EIF2A: variants seen among roughly 807,000 people sequenced by gnomAD.
EIF2A encodes the protein eukaryotic translation initiation factor 2A.
EIF2A carries 62 observed loss-of-function variants against 75.2 expected under a neutral mutation model. That is an observed-to-expected ratio of 0.82 (90% CI 0.67 to 1.02). EIF2A has a LOEUF of 1.02. Ranked by LOEUF, EIF2A falls within the 50% of genes least tolerant of loss-of-function variation. The pLI, the probability that EIF2A is intolerant of heterozygous loss-of-function variation, is 0.00. For synonymous variants in EIF2A, 207 were observed against 239.0 expected (o/e 0.87, Z 1.23); for missense variants, 611 against 677.7 (o/e 0.90, Z 1.09).
At chr3:150,582,624 TTTATACTCAGTATTTCATTA>T (rs563799779) in intron 12 of EIF2A, among the ~76,000 whole-genome samples, 8 of 152,276 alleles carry the variant, frequency 5.3e-5, no homozygotes, top group Non-Finnish European at 1.0e-4. Flanking sequence ...ACTCAATACT[TTTATACTCAGTATTTCATTA>T]GATACCTTGT....
At chr3:150,564,476 G>A in intron 6 of EIF2A, 95 bp downstream of exon 6, 1 of 872,974 alleles carries the variant, frequency 1.1e-6, no homozygotes, top group South Asian at 2.4e-5. Flanking sequence ...CCTAAATACT[G>A]TTAATCTATT....
At chr3:150,562,095 T>G (rs1318848244) in intron 3 of EIF2A, among the ~76,000 whole-genome samples, 1 of 152,010 alleles carries the variant, frequency 6.6e-6, no homozygotes, top group African/African-American at 2.4e-5. Flanking sequence ...CCGCATATTT[T>G]CTAGAACCAA....
At chr3:150,558,316 A>C in intron 2 of EIF2A, 72 bp from the exon 3 acceptor site, 2 of 1,299,506 alleles carry the variant, frequency 1.5e-6, no homozygotes, top group Non-Finnish European at 2.0e-6. Flanking sequence ...GAAATGGTTG[A>C]CTTTATAATC....
chr3:150,573,820 C>G (rs751505227), intron 10 of EIF2A, among the ~76,000 whole-genome samples: 1 of 151,948 alleles, frequency 6.6e-6, no homozygotes, highest in African/African-American at 2.4e-5. Flanking sequence ...TGGGGTTCGT[C>G]CCTCACAGAA....
At chr3:150,567,179 A>G (rs1000645471) in intron 6 of EIF2A, 2 of 152,276 alleles carry the variant, frequency 1.3e-5, no homozygotes, top group African/African-American at 4.8e-5. Context: ...TAATAATAGC[A>G]TGGCTCAGAC....
intron 1 of EIF2A, among the ~76,000 whole-genome samples, chr3:150,550,997 C>T (rs1723286265): frequency 6.6e-6 from 1 of 152,190 alleles, no homozygotes. Flanking sequence ...ATCCTCTAGC[C>T]ACACAGGCCT....
In EIF2A at chr3:150,563,588, T is replaced by G; in HGVS notation, c.366T>G (p.Ser122=). 1 of 1,535,472 alleles carries G rather than the reference T, an allele frequency of 6.5e-7. No homozygotes were observed. The highest frequency in any genetic ancestry group is 8.8e-7 in the Non-Finnish European group (1 of 1,142,782). ...TGAAAACTGGGACATGTTTGAAATC[T>G]TTCATCCAGAAAAAAATGCAAAATT... ...YDVKTGTCLK[S]FIQKKMQNWC... is the part of the protein sequence containing the mutation. The change falls in exon 5 of 14, where the codon TCT becomes TCG. Residue 122 remains serine, a synonymous_variant. Coordinates refer to ENST00000460851, the MANE Select transcript of EIF2A (RefSeq NM_032025.5).
intron 3 of EIF2A, among the ~76,000 whole-genome samples, chr3:150,561,795 ATT>A (rs60277430): frequency 1.4e-5 from 2 of 143,432 alleles, no homozygotes; most frequent in African/African-American, 2.6e-5. Flanking sequence ...TAAAATATAC[ATT>A]TTTTTTTTTT....
intron 1 of EIF2A, among the ~76,000 whole-genome samples, chr3:150,549,222 CT>C (rs11341363): frequency 0.66 from 90,479 of 136,356 alleles, 29,824 homozygotes; most frequent in East Asian, 0.9. Context: ...TTCTTTCTTT[CT>C]TTTTTTTTTT....
intron 1 of EIF2A, 71 bp downstream of exon 1, chr3:150,546,901 A>G (rs1723061890): frequency 1.3e-6 from 2 of 1,597,488 alleles, no homozygotes; most frequent in South Asian, 2.2e-5. Context: ...GCCTTTGAGA[A>G]CTACCCGAGG....
In EIF2A at chr3:150,567,957, A is replaced by G; in HGVS notation, c.605A>G (p.Gln202Arg). 1 of 1,613,556 alleles carries G rather than the reference A, an allele frequency of 6.2e-7. No individual in the cohort carries two copies. Among genetic ancestry groups the G allele is most frequent in the Non-Finnish European group, 8.5e-7 (1 of 1,179,746 alleles). Residue 202 changes from glutamine (Q) to arginine (R), a missense_variant, in exon 8 of 14, where the codon CAG becomes CGG. Transcript: ENST00000460851. Reference protein sequence around the residue: ...KGAPSFVRLYQYPNFAGPHAA... With the variant: ...KGAPSFVRLYRYPNFAGPHAA... ...GCACCTTCATTTGTTAGATTATATC[A>G]GTACCCCAACTTTGCTGGACCTCAT...
intron 2 of EIF2A, chr3:150,557,740 T>C: frequency 3.1e-6 from 1 of 324,940 alleles, no homozygotes. Context: ...AAACTGAGTG[T>C]AAGCTGTCAT....
chr3:150,583,092 AAT>A, intron 12 of EIF2A, 106 bp from the exon 13 acceptor site: 1 of 925,958 alleles, frequency 1.1e-6, no homozygotes, highest in East Asian at 2.7e-5. Flanking sequence ...TGTTGATACA[AAT>A]CTAAGATAAT....
At chr3:150,581,575 T>G in intron 11 of EIF2A, 43 bp from the exon 12 acceptor site, 1 of 1,544,566 alleles carries the variant, frequency 6.5e-7, no homozygotes, top group Non-Finnish European at 8.7e-7. Context: ...TACTGTAATG[T>G]TTTTGGCTTT....
Position 150,567,678 on chromosome 3 carries a change from T to C in EIF2A, c.476-15T>C. On this transcript the variant is annotated splice_polypyrimidine_tract_variant and intron_variant, in intron 6 of 13. Transcript: ENST00000460851. ...GTTCTCTCATCAATCTGATTTAATT[T>C]ACTCTTTTTTTTAGACACAATTGCA... The C allele has an allele frequency of 6.7e-7, 1 of 1,490,974 alleles. No individual in the cohort carries two copies. Among genetic ancestry groups the C allele is most frequent in the Non-Finnish European group, 9.1e-7 (1 of 1,101,412 alleles). 92.4% of individuals were successfully genotyped at this position (1,490,974 alleles called of 1,614,324 possible).
chr3:150,549,620 C>T (rs1192113524), intron 1 of EIF2A, among the ~76,000 whole-genome samples: 1 of 152,186 alleles, frequency 6.6e-6, no homozygotes, highest in Non-Finnish European at 1.5e-5. Context: ...GGAAAGAACA[C>T]ATTTTTGCCA....
Position 150,572,417 on chromosome 3 carries a change from AAAC to A in EIF2A, c.1274_1276del (p.Thr425del). The stretch of plus-strand genomic sequence containing the variant: ...TTTTTGGATGGAATATTTCCAGCAA[AAAC>A]AATAACTTACCAAGCAGTTCCAAGT... On this transcript the variant is annotated inframe_deletion, in exon 10 of 14. Transcript: ENST00000460851. 1 of 1,614,030 alleles carries A rather than the reference AAAC, an allele frequency of 6.2e-7. No individual in the cohort carries two copies. Among genetic ancestry groups the A allele is most frequent in the Non-Finnish European group, 8.5e-7 (1 of 1,179,900 alleles).
chr3:150,562,753 GTAAT>G, intron 4 of EIF2A, 93 bp downstream of exon 4: 1 of 868,684 alleles, frequency 1.2e-6, no homozygotes, highest in Non-Finnish European at 1.8e-6. Flanking sequence ...TCATAAGAAA[GTAAT>G]TAGTCTTTAT....
chr3:150,551,311 A>G (rs1316742681), intron 1 of EIF2A, among the ~76,000 whole-genome samples: 3 of 151,962 alleles, frequency 2.0e-5, no homozygotes, highest in African/African-American at 7.3e-5. Context: ...CTTTCCTATT[A>G]TTTCGCCAAT....
Sources: gnomAD v4.1 joint callset for allele counts (sites outside exome capture counted in the v4.1 genomes callset) on GRCh38, gnomAD v4.1.1 for gene constraint, MANE v1.5 for transcripts, NCBI Gene and HGNC (gene_info 2026-07-23, HGNC 2026-07-21) for gene names.